RGS7: variants seen among roughly 807,000 people sequenced by gnomAD.
RGS7 encodes the protein regulator of G protein signaling 7.
A neutral mutation model predicts 81.1 loss-of-function variants in RGS7; 27 were observed. The ratio of observed to expected loss-of-function variants is 0.33; its 90% CI spans 0.25 to 0.46. RGS7 has a LOEUF of 0.46. Ranked by LOEUF, RGS7 falls within the 20% of genes least tolerant of loss-of-function variation. The probability of loss-of-function intolerance (pLI) is 1.00; values close to 1 mark genes in which losing one functional copy is unlikely to be tolerated. For synonymous variants in RGS7, 208 were observed against 207.7 expected (o/e 1.00, Z -0.01); for missense variants, 396 against 607.4 (o/e 0.65, Z 3.66).
In RGS7 at chr1:241,034,109, T is replaced by C. The variant is rs552119726; in HGVS notation, c.176-50980A>G. ...CAAATATTGAATATTGGCTGGCAAA[T>C]AGAAATGCATAATGACACTTCTATA... On this transcript the variant is annotated intron_variant, in intron 3 of 18. Transcript: ENST00000440928. 5.1e-4 allele frequency among the ~76,000 whole-genome samples: 78 copies of C among 152,258 alleles called. 1 individual carries two copies. In the Middle Eastern group the frequency reaches 0.017, roughly 33 times the overall value.
intron 2 of RGS7, among the ~76,000 whole-genome samples, chr1:241,176,833 G>A (rs1296795212): frequency 1.3e-5 from 2 of 152,112 alleles, no homozygotes; most frequent in African/African-American, 4.8e-5. Context: ...AGCCTCCTGT[G>A]CTGCTTTCCT....
chr1:241,322,097 T>C (rs2081246792), intron 2 of RGS7, among the ~76,000 whole-genome samples: 1 of 152,196 alleles, frequency 6.6e-6, no homozygotes, highest in Non-Finnish European at 1.5e-5. Flanking sequence ...AGCCCTCCTC[T>C]CTGAAGCCTG....
chr1:240,991,021 T>A (rs565096610), intron 3 of RGS7, among the ~76,000 whole-genome samples: 1 of 152,322 alleles, frequency 6.6e-6, no homozygotes, highest in South Asian at 2.1e-4. Context: ...ATAACTTGAA[T>A]CTTCAAATCA....
chr1:240,916,424 A>G (rs1282940828), intron 6 of RGS7, among the ~76,000 whole-genome samples: 1 of 152,192 alleles, frequency 6.6e-6, no homozygotes, highest in Non-Finnish European at 1.5e-5. Context: ...ATTTGAAGCA[A>G]TAATAACTGA....
At chr1:241,162,481 C>G (rs2069804853) in intron 2 of RGS7, among the ~76,000 whole-genome samples, 1 of 152,204 alleles carries the variant, frequency 6.6e-6, no homozygotes, top group African/African-American at 2.4e-5. Flanking sequence ...AGCCCAAAAA[C>G]CCTGCCAAGG....
intron 2 of RGS7, among the ~76,000 whole-genome samples, chr1:241,143,416 T>A (rs1417449159): frequency 3.3e-5 from 5 of 152,172 alleles, no homozygotes; most frequent in African/African-American, 9.7e-5. Context: ...TAGGGAAGCC[T>A]CACAATCATG....
chr1:241,013,313 T>C (rs2059065123), intron 3 of RGS7, among the ~76,000 whole-genome samples: 3 of 152,144 alleles, frequency 2.0e-5, no homozygotes, highest in African/African-American at 7.2e-5. Context: ...TCTGCCCACC[T>C]TAGCCTCCCA....
chr1:241,297,511 A>T (rs2079497890), intron 2 of RGS7, among the ~76,000 whole-genome samples: 1 of 152,226 alleles, frequency 6.6e-6, no homozygotes, highest in Admixed American at 6.5e-5. Flanking sequence ...AAGCTCTGTG[A>T]TCCTACAAAT....
At chr1:241,205,337 C>T (rs1163325761) in intron 2 of RGS7, among the ~76,000 whole-genome samples, 2 of 151,842 alleles carry the variant, frequency 1.3e-5, no homozygotes, top group South Asian at 2.1e-4. Flanking sequence ...GCCTCGGCCT[C>T]CCAAAGTGCT....
chr1:241,153,737 A>G (rs186843153), intron 2 of RGS7, among the ~76,000 whole-genome samples: 68 of 152,314 alleles, frequency 4.5e-4, no homozygotes, highest in East Asian at 3.3e-3. Context: ...ACTTTGTTCT[A>G]TGTTTCAATT....
At chr1:240,918,174 A>G (rs1169778960) in intron 6 of RGS7, among the ~76,000 whole-genome samples, 1 of 152,158 alleles carries the variant, frequency 6.6e-6, no homozygotes, top group African/African-American at 2.4e-5. Flanking sequence ...CCACACACAT[A>G]TATCTGTGGT....
At chr1:241,278,786 A>G (rs4644476) in intron 2 of RGS7, among the ~76,000 whole-genome samples, 85,366 of 152,014 alleles carry the variant, frequency 0.56, 24,393 homozygotes, top group East Asian at 0.7. Flanking sequence ...CTGACTCGGC[A>G]TCTCTGCACA....
chr1:240,807,792 T>C (rs560776852), intron 14 of RGS7, among the ~76,000 whole-genome samples: 1 of 152,226 alleles, frequency 6.6e-6, no homozygotes, highest in African/African-American at 2.4e-5. Flanking sequence ...CCCAGCACTT[T>C]GGGAGGCTGA....
chr1:241,048,217 C>T (rs2061050286), intron 3 of RGS7, among the ~76,000 whole-genome samples: 1 of 152,120 alleles, frequency 6.6e-6, no homozygotes, highest in African/African-American at 2.4e-5. Context: ...ATGTTCGTAA[C>T]CCTGGGACAG....
At chr1:240,998,412 T>A in intron 3 of RGS7, 2 of 621,140 alleles carry the variant, frequency 3.2e-6, no homozygotes, top group Non-Finnish European at 2.8e-6. Context: ...TTTTTTTAAG[T>A]TCAGCTTTTT....
chr1:241,214,047 G>A (rs528508547), intron 2 of RGS7, among the ~76,000 whole-genome samples: 275 of 152,198 alleles, frequency 1.8e-3, no homozygotes, highest in Admixed American at 3.3e-3. Context: ...TTACAGGCAC[G>A]AGCCACCATG....
intron 3 of RGS7, among the ~76,000 whole-genome samples, chr1:241,066,729 G>A (rs1389279314): frequency 6.6e-6 from 1 of 152,176 alleles, no homozygotes. Flanking sequence ...TAAGGTACTT[G>A]AATGACTTAG....
At chr1:241,157,965 C>T (rs868668740) in intron 2 of RGS7, among the ~76,000 whole-genome samples, 13 of 151,540 alleles carry the variant, frequency 8.6e-5, no homozygotes, top group African/African-American at 9.7e-5. Flanking sequence ...TACAGGCGCC[C>T]GCCACCACGC....
chr1:241,212,867 T>G (rs1191142521), intron 2 of RGS7, among the ~76,000 whole-genome samples: 1 of 152,222 alleles, frequency 6.6e-6, no homozygotes, highest in Non-Finnish European at 1.5e-5. Context: ...CTCCTCCCAC[T>G]GCTGTGTGGG....
Sources: allele counts gnomAD v4.1 joint callset (sites outside exome capture counted in the v4.1 genomes callset), GRCh38; gene constraint gnomAD v4.1.1; transcripts MANE v1.5; gene names NCBI Gene and HGNC (gene_info 2026-07-23, HGNC 2026-07-21).